BBOX1: variants seen among roughly 807,000 people sequenced by gnomAD.
BBOX1 encodes the protein gamma-butyrobetaine dioxygenase.
In BBOX1, 35 loss-of-function variants were observed where a neutral mutation model predicts 41.6. The ratio of observed to expected loss-of-function variants is 0.84; its 90% CI spans 0.64 to 1.11. The LOEUF (loss-of-function observed/expected upper bound fraction) is 1.11, where lower values mean the gene tolerates loss of function less well. BBOX1 is among the 50% of genes most tolerant of loss of function. The pLI is 0.00. For synonymous variants in BBOX1, 163 were observed against 154.7 expected, an observed-to-expected ratio of 1.05 and a Z score of -0.40; for missense variants, 458 against 460.6, an observed-to-expected ratio of 0.99 and a Z score of 0.05.
At chr11:27,093,009 A>G (rs1388789999) in intron 4 of BBOX1, among the ~76,000 whole-genome samples, 159 bp from the exon 5 acceptor site, 1 of 151,964 alleles carries the variant, frequency 6.6e-6, no homozygotes, top group Non-Finnish European at 1.5e-5. Flanking sequence ...CCAAGGAAGA[A>G]AGGCCTAGTG....
At chr11:27,074,065 A>T (rs1021289445) in intron 4 of BBOX1, among the ~76,000 whole-genome samples, 1 of 151,648 alleles carries the variant, frequency 6.6e-6, no homozygotes, top group African/African-American at 2.4e-5. Context: ...AGTATAATAT[A>T]AAAAAAAGTG....
intron 5 of BBOX1, among the ~76,000 whole-genome samples, chr11:27,109,655 T>A (rs1858986937): frequency 6.6e-6 from 1 of 152,022 alleles, no homozygotes. Flanking sequence ...GTTGGCAAGG[T>A]TAGAAAATTG....
chr11:27,084,365 C>T (rs923399409), intron 4 of BBOX1, among the ~76,000 whole-genome samples: 3 of 152,034 alleles, frequency 2.0e-5, no homozygotes, highest in Admixed American at 6.5e-5. Context: ...ATCTTCATCA[C>T]AGGGTCAGCT....
At chr11:27,100,882 C>A (rs1858623511) in intron 5 of BBOX1, among the ~76,000 whole-genome samples, 1 of 151,884 alleles carries the variant, frequency 6.6e-6, no homozygotes, top group South Asian at 2.1e-4. Context: ...ATACAACCTT[C>A]CTTCCTTGCT....
At chr11:27,072,781 T>A (rs941092850) in intron 4 of BBOX1, among the ~76,000 whole-genome samples, 1 of 152,114 alleles carries the variant, frequency 6.6e-6, no homozygotes, top group African/African-American at 2.4e-5. Context: ...TCTACAACCA[T>A]CTGATCTTTG....
chr11:27,043,209 G>A (rs573521576), intron 2 of BBOX1, among the ~76,000 whole-genome samples: 7 of 151,868 alleles, frequency 4.6e-5, no homozygotes, highest in South Asian at 2.1e-4. Context: ...GACTACAGGC[G>A]CCCGCCACCA....
chr11:27,049,939 G>A (rs112033336), intron 2 of BBOX1, among the ~76,000 whole-genome samples: 6 of 152,210 alleles, frequency 3.9e-5, no homozygotes, highest in African/African-American at 7.2e-5. Flanking sequence ...CCAGACAAAT[G>A]TCATGGAGTT....
chr11:27,070,044 T>C (rs1327126947), intron 4 of BBOX1, among the ~76,000 whole-genome samples: 1 of 152,148 alleles, frequency 6.6e-6, no homozygotes, highest in Non-Finnish European at 1.5e-5. Flanking sequence ...TAAGAGAAGA[T>C]TGTTTAATTT....
At chr11:27,092,178 AT>A (rs1411149104) in intron 4 of BBOX1, among the ~76,000 whole-genome samples, 1 of 151,978 alleles carries the variant, frequency 6.6e-6, no homozygotes, top group African/African-American at 2.4e-5. Context: ...ACCATTCTTC[AT>A]TCTTAAACAG....
At chr11:27,116,284 A>C (rs1379170935) in intron 6 of BBOX1, among the ~76,000 whole-genome samples, 2 of 151,776 alleles carry the variant, frequency 1.3e-5, no homozygotes, top group African/African-American at 4.8e-5. Flanking sequence ...GAACACATGG[A>C]CACAGAGAGA....
chr11:27,080,807 A>G (rs1313608004), intron 4 of BBOX1, among the ~76,000 whole-genome samples: 1 of 152,128 alleles, frequency 6.6e-6, no homozygotes, highest in South Asian at 2.1e-4. Flanking sequence ...GTCAGATAGG[A>G]ACATGTAAGT....
chr11:27,068,446 T>C (rs1803283551), intron 4 of BBOX1, among the ~76,000 whole-genome samples: 1 of 152,126 alleles, frequency 6.6e-6, no homozygotes, highest in Admixed American at 6.5e-5. Context: ...TTTGTTTGAG[T>C]TCCTTGTAGA....
intron 4 of BBOX1, among the ~76,000 whole-genome samples, chr11:27,071,311 G>A (rs1373102254): frequency 6.6e-6 from 1 of 151,774 alleles, no homozygotes; most frequent in Non-Finnish European, 1.5e-5. Flanking sequence ...GAACCTGGGA[G>A]GCAGAGCTTG....
intron 4 of BBOX1, among the ~76,000 whole-genome samples, chr11:27,085,619 A>G (rs1470031610): frequency 6.6e-6 from 1 of 150,872 alleles, no homozygotes; most frequent in Non-Finnish European, 1.5e-5. Flanking sequence ...TCCCTGAGAG[A>G]CAACAATATT....
rs1250593919 is a variant in BBOX1 at position 27,108,994 on chromosome 11, C to T, written c.534-6458C>T. On this transcript the variant is annotated intron_variant, in intron 5 of 8. Coordinates refer to ENST00000263182, the MANE Select transcript of BBOX1 (RefSeq NM_003986.3). Reference sequence around the variant, plus strand: ...TCATTCAGTCAAAATTTATTGGTTCCCTGCTTTAGAATTGGCACTGGTTTC... The same window carrying T: ...TCATTCAGTCAAAATTTATTGGTTCTCTGCTTTAGAATTGGCACTGGTTTC... Among the ~76,000 whole-genome samples, 6 of 151,970 alleles carry T rather than the reference C, an allele frequency of 3.9e-5. No individual in the cohort carries two copies. In the East Asian group the frequency reaches 1.2e-3, roughly 29 times the overall value.
chr11:27,111,610 T>C (rs2134086520), intron 5 of BBOX1, among the ~76,000 whole-genome samples: 1 of 152,172 alleles, frequency 6.6e-6, no homozygotes, highest in Admixed American at 6.6e-5. Context: ...TTATCTACTA[T>C]ATTCTGTTGT....
chr11:27,119,719 T>C lies in BBOX1; in HGVS notation c.710T>C (p.Val237Ala), dbSNP rs542815680. ...GDSEIVDGFN[V>A]CQKLKKNNPQ... ...TCAGAAATTGTAGATGGGTTTAATG[T>C]GTGCCAAAAACTAAAGAAAAATAAT... is the stretch of plus-strand genomic sequence containing the variant. The change falls in exon 7 of 9, where the codon GTG (valine) becomes GCG (alanine). Residue 237 changes from valine to alanine, a missense_variant. Physicochemically the swap from Val to Ala is moderately conservative, Grantham distance 64. Transcript: ENST00000263182. The C allele has an allele frequency of 1.1e-5, 17 of 1,604,756 alleles. No individual in the cohort carries two copies. In the African/African-American group the frequency reaches 1.9e-4, roughly 18 times the overall value.
chr11:27,084,593 A>G (rs1366884964), intron 4 of BBOX1, among the ~76,000 whole-genome samples: 1 of 152,126 alleles, frequency 6.6e-6, no homozygotes, highest in Non-Finnish European at 1.5e-5. Context: ...AGAGACAGTA[A>G]GAGATTGGCT....
chr11:27,083,097 C>T (rs1449876645), intron 4 of BBOX1, among the ~76,000 whole-genome samples: 2 of 152,066 alleles, frequency 1.3e-5, no homozygotes, highest in African/African-American at 2.4e-5. Flanking sequence ...TATGGGGTTA[C>T]CACCTAAAGA....
Sources: allele counts gnomAD v4.1 joint callset (sites outside exome capture counted in the v4.1 genomes callset), GRCh38; gene constraint gnomAD v4.1.1; transcripts MANE v1.5; gene names NCBI Gene and HGNC (gene_info 2026-07-23, HGNC 2026-07-21).